The following CRACDL variants were observed in gnomAD, a reference collection of about 807,000 sequenced individuals.
The protein encoded by CRACDL is CRACD-like protein.
In CRACDL, 26 loss-of-function variants were observed where a neutral mutation model predicts 70.6. The ratio of observed to expected loss-of-function variants is 0.37; its 90% CI spans 0.27 to 0.51. The LOEUF (loss-of-function observed/expected upper bound fraction) is 0.51. Ranked by LOEUF, CRACDL falls within the 20% of genes least tolerant of loss-of-function variation. The pLI, the probability that CRACDL is intolerant of heterozygous loss-of-function variation, is 0.94. For synonymous variants in CRACDL, 618 were observed against 615.2 expected (o/e 1.00, Z -0.07); for missense variants, 1,283 against 1,376.9 (o/e 0.93, Z 1.08).
chr2:98,933,007 C>G (rs1047487122), intron 1 of CRACDL, among the ~76,000 whole-genome samples: 1 of 152,210 alleles, frequency 6.6e-6, no homozygotes, highest in Non-Finnish European at 1.5e-5. Flanking sequence ...CCTGTGGGAA[C>G]TCAGGGAAGG....
chr2:98,929,872 A>C (rs2104706756), intron 1 of CRACDL, among the ~76,000 whole-genome samples: 1 of 152,262 alleles, frequency 6.6e-6, no homozygotes, highest in South Asian at 2.1e-4. Flanking sequence ...GAGCTCTAAG[A>C]CACCTAGTAT....
rs565602069 is a variant in CRACDL at position 98,870,450 on chromosome 2, C to T, written c.-10-23640G>A. ...GAGCTCAGATGATAATCACGCAGTGCGCTGAAGGTAGTTTATATACATTTG... is the reference window on the plus strand; with the variant it reads ...GAGCTCAGATGATAATCACGCAGTGTGCTGAAGGTAGTTTATATACATTTG... On this transcript the variant is annotated intron_variant, in intron 1 of 9. Transcript: ENST00000397899. Among the ~76,000 whole-genome samples, 4 of 152,150 alleles carry T rather than the reference C, an allele frequency of 2.6e-5. No homozygotes were observed. In the South Asian group the frequency reaches 8.3e-4, roughly 32 times the overall value.
intron 7 of CRACDL, among the ~76,000 whole-genome samples, chr2:98,807,664 T>C (rs571609956): frequency 2.0e-5 from 3 of 152,352 alleles, no homozygotes; most frequent in African/African-American, 7.2e-5. Flanking sequence ...TTTTCTTATT[T>C]ACTAAATAGA....
At chr2:98,837,305 A>G (rs995371528) in intron 3 of CRACDL, among the ~76,000 whole-genome samples, 3 of 151,786 alleles carry the variant, frequency 2.0e-5, no homozygotes, top group African/African-American at 7.3e-5. Context: ...ACAGGCAAGG[A>G]GGCTGGGGAG....
rs1012666226 is a variant in CRACDL at position 98,935,001 on chromosome 2, T to C, written c.-11+937A>G. Among the ~76,000 whole-genome samples, 13 of 152,278 alleles carry C rather than the reference T, an allele frequency of 8.5e-5. No homozygotes were observed. In the South Asian group the frequency reaches 1.9e-3, roughly 22 times the overall value. On this transcript the variant is annotated intron_variant, in intron 1 of 9. Transcript: ENST00000397899. ...TCTCCTCACAATTTTATAACCTCAA[T>C]AGGTTCTTAGGATGACCACAGTGCT...
chr2:98,895,119 C>A lies in CRACDL; in HGVS notation c.-11+40819G>T, dbSNP rs572092555. On this transcript the variant is annotated intron_variant, in intron 1 of 9. Coordinates refer to ENST00000397899, the MANE Select transcript of CRACDL (RefSeq NM_207362.3). ...GAGGAGACCCTGTCTTAAAAAAAAA[C>A]AAAAATATTCCTGTTGGTGGCTGGC... Among the ~76,000 whole-genome samples, 4 of 151,838 alleles carry A rather than the reference C, an allele frequency of 2.6e-5. No individual in the cohort carries two copies. In the South Asian group the frequency reaches 8.3e-4, roughly 32 times the overall value.
intron 1 of CRACDL, among the ~76,000 whole-genome samples, chr2:98,874,200 GAACTTTTATAAGTGGTACCTGCCACAGAT>G (rs1707421965): frequency 6.6e-6 from 1 of 152,182 alleles, no homozygotes; most frequent in South Asian, 2.1e-4. Flanking sequence ...TGTTCAGGGT[GAACTTTTATAAGTGGTACCTGCCACAGAT>G]ACGTTCTTTT....
intron 7 of CRACDL, among the ~76,000 whole-genome samples, chr2:98,804,452 A>T (rs2104416529): frequency 6.6e-6 from 1 of 152,326 alleles, no homozygotes; most frequent in South Asian, 2.1e-4. Context: ...GCAGCAAAAC[A>T]TTTGAGTTTC....
chr2:98,833,722 C>G (rs1171807574), intron 3 of CRACDL, among the ~76,000 whole-genome samples: 1 of 152,234 alleles, frequency 6.6e-6, no homozygotes, highest in Non-Finnish European at 1.5e-5. Context: ...AATTAGCTGT[C>G]AAGTTTTCCT....
At chr2:98,885,893 C>T (rs978715271) in intron 1 of CRACDL, among the ~76,000 whole-genome samples, 2 of 149,418 alleles carry the variant, frequency 1.3e-5, no homozygotes, top group Non-Finnish European at 3.0e-5. Context: ...AACTCTCTCC[C>T]CCATGAAAAT....
In CRACDL at chr2:98,833,077, A is replaced by T. The variant is rs952083081; in HGVS notation, c.240-80T>A. ...GGGGGGCTCAGAATGAGAAAGAGGGATGTGAGTGAACAGAACATCAAACAA... is the reference window on the plus strand; with the variant it reads ...GGGGGGCTCAGAATGAGAAAGAGGGTTGTGAGTGAACAGAACATCAAACAA... On this transcript the variant is annotated intron_variant, in intron 3 of 9. Coordinates refer to ENST00000397899, the MANE Select transcript of CRACDL (RefSeq NM_207362.3). The T allele has an allele frequency of 7.2e-5, 94 of 1,311,290 alleles. No homozygotes were observed. In the East Asian group the frequency reaches 2.2e-3, roughly 30 times the overall value. The allele number at this position is 1,311,290 out of a possible 1,614,324, so 81.2% of individuals were successfully genotyped here.
At chr2:98,930,085 T>C (rs1429208624) in intron 1 of CRACDL, among the ~76,000 whole-genome samples, 1 of 151,998 alleles carries the variant, frequency 6.6e-6, no homozygotes, top group Non-Finnish European at 1.5e-5. Context: ...ACACACTCAC[T>C]AGTGAGCCCA....
intron 7 of CRACDL, among the ~76,000 whole-genome samples, chr2:98,816,076 A>G (rs1704773602): frequency 6.6e-6 from 1 of 152,090 alleles, no homozygotes; most frequent in African/African-American, 2.4e-5. Flanking sequence ...CTGGGCTAGG[A>G]AAGTCCCAGG....
chr2:98,853,753 G>A (rs1292002487), intron 1 of CRACDL, among the ~76,000 whole-genome samples: 2 of 152,172 alleles, frequency 1.3e-5, no homozygotes, highest in Non-Finnish European at 2.9e-5. Flanking sequence ...TTGTATGTAT[G>A]ACTAGACTAT....
rs61614119 is a variant in CRACDL at position 98,910,521 on chromosome 2, AAAATAAAT to A, written c.-11+25409_-11+25416del. Among the ~76,000 whole-genome samples the A allele has an allele frequency of 3.3e-3, 459 of 140,792 alleles. 1 individual carries two copies. The highest frequency in any genetic ancestry group is 7.6e-3 in the African/African-American group (288 of 37,762). 92.4% of individuals were successfully genotyped at this position (140,792 alleles called of 152,430 possible). ...GGGCAACACAGCAAGACTCTGTCTC[AAAATAAAT>A]AAATAAATAAATAAATAAATAAATA... is the stretch of plus-strand genomic sequence containing the variant. On this transcript the variant is annotated intron_variant, in intron 1 of 9. Transcript: ENST00000397899.
intron 6 of CRACDL, among the ~76,000 whole-genome samples, chr2:98,825,345 T>G (rs1705257467): frequency 6.6e-6 from 1 of 152,238 alleles, no homozygotes; most frequent in Non-Finnish European, 1.5e-5. Flanking sequence ...TTTACCTGTT[T>G]GCCCAGGCTG....
intron 1 of CRACDL, among the ~76,000 whole-genome samples, chr2:98,866,023 G>A (rs1707124972): frequency 6.6e-6 from 1 of 151,990 alleles, no homozygotes. Flanking sequence ...CCACTTGTGT[G>A]CAAAACCTTC....
rs567697961 is a variant in CRACDL, at chr2:98,823,172, G to T, written c.1101C>A (p.Asp367Glu). 1.0e-4 allele frequency: 152 copies of T among 1,524,094 alleles called. No individual in the cohort carries two copies. In the African/African-American group the frequency reaches 2.0e-3, roughly 20 times the overall value. The allele number at this position is 1,524,094 out of a possible 1,614,324, so 94.4% of individuals were successfully genotyped here. A position where few individuals can be genotyped will look rare whatever the true frequency, so the allele number is the denominator to read the frequency against. Reference sequence around the variant, plus strand: ...GCGCCTCCCCATCCTGCTTTCCGCCGTCGGGACCGGGATTCGGGGGGCCCT... The same window carrying T: ...GCGCCTCCCCATCCTGCTTTCCGCCTTCGGGACCGGGATTCGGGGGGCCCT... ...PPEGPPNPGP[D>E]GGKQDGEAPP... Residue 367 changes from aspartate (D) to glutamate (E), a missense_variant, in exon 7 of 10, where the codon GAC (aspartate) becomes GAA (glutamate). Transcript: ENST00000397899. The surrounding 1 kb of genome is among the most constrained non-coding windows in gnomAD (Gnocchi z 4.0).
intron 7 of CRACDL, among the ~76,000 whole-genome samples, chr2:98,819,240 G>A (rs1704922256): frequency 6.6e-6 from 1 of 152,204 alleles, no homozygotes; most frequent in Non-Finnish European, 1.5e-5. Flanking sequence ...AATGGGCAAA[G>A]CATTGCCCTC....
Sources: gnomAD v4.1 joint callset for allele counts (sites outside exome capture counted in the v4.1 genomes callset) on GRCh38, gnomAD v4.1.1 for gene constraint, Gnocchi (gnomAD v3.1) non-coding constraint, MANE v1.5 for transcripts, NCBI Gene and HGNC (gene_info 2026-07-23, HGNC 2026-07-21) for gene names.